Variants in PRELID2 observed in about 807,000 individuals in gnomAD.
The protein encoded by PRELID2 is PRELI domain-containing protein 2.
A neutral mutation model predicts 28.4 loss-of-function variants in PRELID2; 25 were observed. The ratio of observed to expected loss-of-function variants is 0.88; its 90% CI spans 0.64 to 1.23. The LOEUF is 1.23. Among genes scored for constraint, PRELID2 ranks in the 50% most tolerant of loss-of-function variants. The probability of loss-of-function intolerance (pLI) is 0.00; values close to 1 mark genes in which losing one functional copy is unlikely to be tolerated. For synonymous variants in PRELID2, 76 were observed against 71.6 expected (o/e 1.06, Z -0.31); for missense variants, 201 against 214.4 (o/e 0.94, Z 0.39).
intron 1 of PRELID2, among the ~76,000 whole-genome samples, chr5:145,660,649 C>A (rs1754475585): frequency 6.6e-6 from 1 of 152,162 alleles, no homozygotes; most frequent in African/African-American, 2.4e-5. Context: ...TGGGGTTGTG[C>A]ATGCATAATT....
chr5:145,654,110 AC>A (rs1754348534), intron 1 of PRELID2, among the ~76,000 whole-genome samples: 3 of 152,236 alleles, frequency 2.0e-5, no homozygotes, highest in Non-Finnish European at 4.4e-5. Flanking sequence ...ATCAGAGAAT[AC>A]TATAAACACC....
chr5:145,363,457 C>A, the PRELID2 span, among the ~76,000 whole-genome samples: 1 of 151,940 alleles, frequency 6.6e-6, no homozygotes, highest in Non-Finnish European at 1.5e-5. Flanking sequence ...ACTCTTAAGT[C>A]CTCTGACTCA....
chr5:145,813,623 A>G (rs1278581460), intron 4 of PRELID2, among the ~76,000 whole-genome samples: 1 of 152,222 alleles, frequency 6.6e-6, no homozygotes, highest in Non-Finnish European at 1.5e-5. Context: ...TACTGACTGT[A>G]TCACCTTGGG....
intron 1 of PRELID2, among the ~76,000 whole-genome samples, chr5:145,681,394 C>G (rs1754933907): frequency 6.6e-6 from 1 of 152,124 alleles, no homozygotes; most frequent in East Asian, 1.9e-4. Context: ...GATAAACACT[C>G]TGAGAGTAAA....
At chr5:145,806,292 C>A (rs1029867165) in intron 4 of PRELID2, among the ~76,000 whole-genome samples, 8 of 152,008 alleles carry the variant, frequency 5.3e-5, no homozygotes, top group Non-Finnish European at 1.0e-4. Flanking sequence ...ATTCTATTAA[C>A]TTTTTTCAAT....
At chr5:145,576,714 AAAAT>A (rs1753064122) in intron 1 of PRELID2, among the ~76,000 whole-genome samples, 1 of 152,132 alleles carries the variant, frequency 6.6e-6, no homozygotes, top group Non-Finnish European at 1.5e-5. Context: ...AAATTGTACA[AAAAT>A]AGATAGAAGG....
At chr5:145,621,596 G>A (rs1247545965) in intron 1 of PRELID2, among the ~76,000 whole-genome samples, 1 of 152,174 alleles carries the variant, frequency 6.6e-6, no homozygotes, top group Non-Finnish European at 1.5e-5. Flanking sequence ...TGATACACAT[G>A]TTCTCACTGA....
chr5:145,598,525 A>G (rs1753343645), intron 1 of PRELID2, among the ~76,000 whole-genome samples: 1 of 152,244 alleles, frequency 6.6e-6, no homozygotes, highest in Non-Finnish European at 1.5e-5. Flanking sequence ...CCCTAAACAT[A>G]TAAAAGACTA....
chr5:145,375,372 C>T, the PRELID2 span, among the ~76,000 whole-genome samples: 1 of 152,112 alleles, frequency 6.6e-6, no homozygotes. Flanking sequence ...TCTCTGACCT[C>T]AAGGGGCACC....
At chr5:145,751,520 T>G (rs1188021164), downstream of PRELID2, among the ~76,000 whole-genome samples, 1 of 152,222 alleles carries the variant, frequency 6.6e-6, no homozygotes, top group East Asian at 1.9e-4. Context: ...ACACTTACTG[T>G]GTGTTAGGCA....
chr5:145,253,822 T>G, the PRELID2 span, among the ~76,000 whole-genome samples: 1 of 150,752 alleles, frequency 6.6e-6, no homozygotes, highest in Non-Finnish European at 1.5e-5. Flanking sequence ...GCTAAGAGAG[T>G]GAGATCTAAA....
At chr5:145,618,117 G>A (rs2149649893) in intron 1 of PRELID2, among the ~76,000 whole-genome samples, 1 of 152,090 alleles carries the variant, frequency 6.6e-6, no homozygotes, top group East Asian at 1.9e-4. Context: ...CTTGCATTAG[G>A]CTTCACCTTT....
chr5:145,676,646 C>T (rs1311727990), intron 1 of PRELID2, among the ~76,000 whole-genome samples: 2 of 152,180 alleles, frequency 1.3e-5, no homozygotes, highest in African/African-American at 4.8e-5. Flanking sequence ...TCCTGAGAAA[C>T]CAGTTGCTAC....
rs570804007 is a variant in PRELID2, at chr5:145,710,620, A to G, written n.70+54311T>C. Reference sequence around the variant, plus strand: ...CAAGAAAGAAGTCAGGAGGCAGGCAATCCAGACATAGCATAAGTGTCCATG... The same window carrying G: ...CAAGAAAGAAGTCAGGAGGCAGGCAGTCCAGACATAGCATAAGTGTCCATG... On this transcript the variant is annotated intron_variant and non_coding_transcript_variant, in intron 1 of 2. Coordinates refer to the PRELID2 transcript ENST00000510259. 1.4e-4 allele frequency among the ~76,000 whole-genome samples: 21 copies of G among 152,320 alleles called. No homozygotes were observed. The East Asian group carries it at 3.5e-3, about 25-fold the overall frequency.
intron 1 of PRELID2, among the ~76,000 whole-genome samples, chr5:145,474,616 A>G (rs1248657919): frequency 6.6e-6 from 1 of 152,148 alleles, no homozygotes; most frequent in Non-Finnish European, 1.5e-5. Context: ...CCTGATCATA[A>G]TTGCTACATT....
the PRELID2 span, among the ~76,000 whole-genome samples, chr5:145,312,490 C>T: frequency 9.1e-3 from 1,390 of 152,308 alleles, 25 homozygotes; most frequent in African/African-American, 0.032. Context: ...CTTCAGCCAA[C>T]GTCTCCCCAT....
At chr5:145,788,444 G>A (rs1752143418) in intron 5 of PRELID2, among the ~76,000 whole-genome samples, 2 of 152,176 alleles carry the variant, frequency 1.3e-5, no homozygotes, top group Non-Finnish European at 2.9e-5. Context: ...ACGGTCAAGA[G>A]ATGAGTGAAT....
chr5:145,498,259 A>G (rs903574608), intron 1 of PRELID2, among the ~76,000 whole-genome samples: 5 of 152,188 alleles, frequency 3.3e-5, no homozygotes, highest in African/African-American at 1.2e-4. Context: ...TTATGTAAAG[A>G]CAATAGAATC....
At chr5:145,783,827 T>C (rs528679804) in intron 5 of PRELID2, among the ~76,000 whole-genome samples, 54 of 152,280 alleles carry the variant, frequency 3.5e-4, no homozygotes, top group African/African-American at 1.2e-3. Flanking sequence ...TGAACGACGG[T>C]TTTATGCTCT....
Sources: gnomAD v4.1 joint callset for allele counts (sites outside exome capture counted in the v4.1 genomes callset) on GRCh38, gnomAD v4.1.1 for gene constraint, MANE v1.5 for transcripts, NCBI Gene and HGNC (gene_info 2026-07-23, HGNC 2026-07-21) for gene names.